The following L3MBTL4 variants were observed in gnomAD, a reference collection of about 807,000 sequenced individuals.
The protein encoded by L3MBTL4 is L3MBTL histone methyl-lysine binding protein 4.
L3MBTL4 carries 70 observed loss-of-function variants against 84.5 expected under a neutral mutation model. The ratio of observed to expected loss-of-function variants is 0.83; its 90% CI spans 0.68 to 1.01. The LOEUF is 1.01. Among genes scored for constraint, L3MBTL4 ranks in the 50% least tolerant of loss-of-function variants. The pLI is 0.00. For missense variants in L3MBTL4, 715 were observed against 754.8 expected, an observed-to-expected ratio of 0.95 and a Z score of 0.62; for synonymous variants, 274 against 259.8, an observed-to-expected ratio of 1.05 and a Z score of -0.52.
intron 12 of L3MBTL4, among the ~76,000 whole-genome samples, chr18:6,205,516 T>A (rs898848706): frequency 1.3e-5 from 2 of 152,256 alleles, no homozygotes; most frequent in African/African-American, 4.8e-5. Context: ...CCTATCAACC[T>A]GTCACCACCA....
At chr18:6,241,779 T>G (rs543321696) in intron 7 of L3MBTL4, among the ~76,000 whole-genome samples, 296 of 152,294 alleles carry the variant, frequency 1.9e-3, no homozygotes, top group Non-Finnish European at 3.5e-3. Context: ...GTCAGTACTC[T>G]GGTGGCCTGA....
At chr18:6,317,024 A>G (rs988876648) in intron 1 of L3MBTL4, among the ~76,000 whole-genome samples, 1 of 152,072 alleles carries the variant, frequency 6.6e-6, no homozygotes, top group African/African-American at 2.4e-5. Flanking sequence ...AAATAAATAA[A>G]TAAATGCACA....
At chr18:6,323,209 A>G (rs2051517652) in intron 1 of L3MBTL4, among the ~76,000 whole-genome samples, 1 of 152,204 alleles carries the variant, frequency 6.6e-6, no homozygotes. Context: ...ACCCAGTCTC[A>G]GGTATTTCTT....
At chr18:6,206,404 T>C (rs1176367135) in intron 12 of L3MBTL4, among the ~76,000 whole-genome samples, 3 of 152,208 alleles carry the variant, frequency 2.0e-5, no homozygotes, top group Non-Finnish European at 4.4e-5. Flanking sequence ...TTCTATTCTA[T>C]CTGGCTCATG....
intron 1 of L3MBTL4, among the ~76,000 whole-genome samples, chr18:6,348,760 T>C (rs1423201009): frequency 1.3e-5 from 2 of 152,110 alleles, no homozygotes; most frequent in Non-Finnish European, 2.9e-5. Context: ...ATTAAGAAAG[T>C]GAAAAGGCAA....
intron 1 of L3MBTL4, among the ~76,000 whole-genome samples, chr18:6,363,119 A>C (rs2053782018): frequency 6.6e-6 from 1 of 152,236 alleles, no homozygotes; most frequent in Non-Finnish European, 1.5e-5. Flanking sequence ...ACATTCTTCT[A>C]TTCCTAGTGG....
At chr18:6,113,497 A>C (rs1346811666) in intron 14 of L3MBTL4, among the ~76,000 whole-genome samples, 5 of 151,852 alleles carry the variant, frequency 3.3e-5, no homozygotes, top group African/African-American at 9.6e-5. Flanking sequence ...AATAAAAAAC[A>C]AAAAGTAGCA....
At chr18:6,333,990 C>T (rs755647796) in intron 1 of L3MBTL4, among the ~76,000 whole-genome samples, 10 of 152,218 alleles carry the variant, frequency 6.6e-5, no homozygotes, top group African/African-American at 2.4e-5. Flanking sequence ...GGCCATAAAG[C>T]ATTCCAAACG....
intron 5 of L3MBTL4, chr18:6,258,587 A>G: frequency 6.6e-6 from 1 of 152,506 alleles, no homozygotes; most frequent in African/African-American, 2.4e-5. Context: ...TGTAAGAATA[A>G]GGGACAGAAA....
At chr18:6,150,257 G>A (rs2042834787) in intron 13 of L3MBTL4, among the ~76,000 whole-genome samples, 1 of 152,120 alleles carries the variant, frequency 6.6e-6, no homozygotes, top group Non-Finnish European at 1.5e-5. Context: ...CCCAAGTGGA[G>A]TGACTATATC....
chr18:6,302,587 T>G (rs2146842114), intron 3 of L3MBTL4, among the ~76,000 whole-genome samples: 1 of 152,336 alleles, frequency 6.6e-6, no homozygotes, highest in East Asian at 1.9e-4. Flanking sequence ...GGAAAGTGGC[T>G]TTCTCTTTTG....
chr18:6,087,817 T>C (rs1265224315), intron 15 of L3MBTL4, among the ~76,000 whole-genome samples: 1 of 152,244 alleles, frequency 6.6e-6, no homozygotes, highest in Non-Finnish European at 1.5e-5. Context: ...GTCTCTTCTA[T>C]GTGCCAGGCC....
chr18:6,163,981 C>T (rs2043500004), intron 13 of L3MBTL4, among the ~76,000 whole-genome samples: 1 of 152,216 alleles, frequency 6.6e-6, no homozygotes, highest in South Asian at 2.1e-4. Context: ...CACTCCCACA[C>T]TAATACTGCA....
chr18:6,011,758 T>C (rs2054750495), intron 16 of L3MBTL4, among the ~76,000 whole-genome samples: 1 of 152,350 alleles, frequency 6.6e-6, no homozygotes, highest in East Asian at 1.9e-4. Flanking sequence ...CTTTTAGGCA[T>C]ACAACAGACC....
At chr18:5,963,946 G>A (rs2052197414) in intron 17 of L3MBTL4, among the ~76,000 whole-genome samples, 1 of 152,284 alleles carries the variant, frequency 6.6e-6, no homozygotes, top group South Asian at 2.1e-4. Flanking sequence ...CAGAAGCCAT[G>A]GCAGTGGGGT....
At chr18:5,990,104 T>G (rs1718422535) in intron 16 of L3MBTL4, among the ~76,000 whole-genome samples, 1 of 152,170 alleles carries the variant, frequency 6.6e-6, no homozygotes, top group Admixed American at 6.5e-5. Context: ...GGGCTTGCAT[T>G]GTTTCCCTTT....
intron 16 of L3MBTL4, among the ~76,000 whole-genome samples, chr18:5,981,417 A>G (rs1243259440): frequency 1.3e-5 from 2 of 152,172 alleles, no homozygotes; most frequent in African/African-American, 2.4e-5. Context: ...TAGAATTATG[A>G]AAAAAGAAAC....
chr18:6,035,198 C>G (rs1357227841), intron 16 of L3MBTL4, among the ~76,000 whole-genome samples: 18 of 150,436 alleles, frequency 1.2e-4, no homozygotes, highest in South Asian at 2.1e-4. Flanking sequence ...ATTGCTTTTG[C>G]TGTTTTAGAC....
At chr18:6,353,260 T>A (rs573094320) in intron 1 of L3MBTL4, among the ~76,000 whole-genome samples, 5 of 149,538 alleles carry the variant, frequency 3.3e-5, no homozygotes, top group African/African-American at 9.9e-5. Context: ...ACCAAAACTT[T>A]CAAGAGACCA....
Sources: gnomAD v4.1 joint callset for allele counts (sites outside exome capture counted in the v4.1 genomes callset) on GRCh38, gnomAD v4.1.1 for gene constraint, MANE v1.5 for transcripts, NCBI Gene and HGNC (gene_info 2026-07-23, HGNC 2026-07-21) for gene names.